The following ADAM12 variants were observed in gnomAD, a reference collection of about 807,000 sequenced individuals.
ADAM12 encodes the protein disintegrin and metalloproteinase domain-containing protein 12.
A neutral mutation model predicts 106.4 loss-of-function variants in ADAM12; 70 were observed. The observed-to-expected ratio is 0.66, with a 90% CI of 0.54 to 0.80. The LOEUF is 0.80. ADAM12 is among the 30% of genes least tolerant of loss of function. ADAM12 has a pLI of 0.00. For missense variants in ADAM12, 1,010 were observed against 1,171.9 expected (o/e 0.86, Z 2.02); for synonymous variants, 420 against 433.5 (o/e 0.97, Z 0.39).
chr10:126,121,811 T>A (rs1464511318), intron 5 of ADAM12, among the ~76,000 whole-genome samples: 2 of 152,112 alleles, frequency 1.3e-5, no homozygotes, highest in African/African-American at 4.8e-5. Context: ...TTTAATAGAT[T>A]GACAGTATCT....
chr10:126,076,767 A>T (rs1955109930), intron 11 of ADAM12, among the ~76,000 whole-genome samples: 1 of 152,162 alleles, frequency 6.6e-6, no homozygotes, highest in African/African-American at 2.4e-5. Context: ...CCTTTGTCAG[A>T]TGCATAGTTT....
At chr10:126,350,817 C>T (rs10901600) in intron 1 of ADAM12, among the ~76,000 whole-genome samples, 40,623 of 152,124 alleles carry the variant, frequency 0.27, 5,540 homozygotes, top group Middle Eastern at 0.34. Context: ...CCAGAATTCA[C>T]GCCTCTGGCA....
In ADAM12 at chr10:126,118,258, T is replaced by A. The variant is rs527377598; in HGVS notation, c.417-34A>T. On this transcript the variant is annotated intron_variant, in intron 5 of 22. Transcript: ENST00000448723. ...AAAGAAACAAGAAAAAATATATAAT[T>A]TTAAGGACAGCTTCTTGTTTATGGC... The A allele has an allele frequency of 6.6e-6, 10 of 1,516,714 alleles. No homozygotes were observed. The African/African-American group carries it at 1.2e-4, about 19-fold the overall frequency. 94.0% of individuals were successfully genotyped at this position (1,516,714 alleles called of 1,614,324 possible). A position where few individuals can be genotyped will look rare whatever the true frequency, so the allele number is the denominator to read the frequency against.
chr10:126,348,373 C>T (rs1468281134), intron 1 of ADAM12, among the ~76,000 whole-genome samples: 3 of 152,020 alleles, frequency 2.0e-5, no homozygotes, highest in African/African-American at 7.3e-5. Context: ...TTTGAATGGG[C>T]AGGATCTGGG....
At chr10:126,134,569 T>C (rs1956369992) in intron 5 of ADAM12, among the ~76,000 whole-genome samples, 1 of 152,192 alleles carries the variant, frequency 6.6e-6, no homozygotes, top group Admixed American at 6.5e-5. Context: ...TACTTAGAGA[T>C]AAATCAGATG....
intron 3 of ADAM12, among the ~76,000 whole-genome samples, chr10:126,183,242 T>C (rs536181808): frequency 2.0e-5 from 3 of 152,362 alleles, no homozygotes; most frequent in East Asian, 3.9e-4. Flanking sequence ...TTTCATTATA[T>C]ATTACAACGT....
At chr10:126,022,688 C>T (rs1953790698) in intron 21 of ADAM12, among the ~76,000 whole-genome samples, 1 of 152,240 alleles carries the variant, frequency 6.6e-6, no homozygotes, top group Admixed American at 6.5e-5. Flanking sequence ...CCAGTGTGAT[C>T]ACCAAGCATC....
At chr10:126,327,909 G>A (rs1854362366) in intron 2 of ADAM12, among the ~76,000 whole-genome samples, 1 of 152,118 alleles carries the variant, frequency 6.6e-6, no homozygotes, top group South Asian at 2.1e-4. Context: ...GGCCCCTGTT[G>A]CTCCCGCATC....
intron 3 of ADAM12, among the ~76,000 whole-genome samples, chr10:126,220,813 A>G (rs1958076591): frequency 6.6e-6 from 1 of 152,222 alleles, no homozygotes; most frequent in Non-Finnish European, 1.5e-5. Flanking sequence ...CCCAGACACA[A>G]ATCTGGCAGC....
chr10:126,228,598 G>A lies in ADAM12; in HGVS notation c.260+50317C>T, dbSNP rs545598777. Among the ~76,000 whole-genome samples the A allele has an allele frequency of 7.9e-5, 12 of 152,292 alleles. No homozygotes were observed. In the South Asian group the frequency reaches 2.5e-3, roughly 32 times the overall value. ...CAGATAATTAGAAATCATGTTTCTAGTAGGGTATTTTTACACTCTGGAAAT... is the reference window on the plus strand; with the variant it reads ...CAGATAATTAGAAATCATGTTTCTAATAGGGTATTTTTACACTCTGGAAAT... On this transcript the variant is annotated intron_variant, in intron 3 of 22. Coordinates refer to ENST00000448723, the MANE Select transcript of ADAM12 (RefSeq NM_001288973.2).
chr10:126,310,501 C>A (rs1017999692), intron 2 of ADAM12, among the ~76,000 whole-genome samples: 1 of 152,100 alleles, frequency 6.6e-6, no homozygotes, highest in African/African-American at 2.4e-5. Context: ...ATGTTCCAAG[C>A]AAGTGGTAGG....
intron 3 of ADAM12, among the ~76,000 whole-genome samples, chr10:126,174,695 ATT>A (rs1452494818): frequency 6.6e-6 from 1 of 151,570 alleles, no homozygotes; most frequent in Non-Finnish European, 1.5e-5. Flanking sequence ...GGAATGAGAC[ATT>A]TCCACTGCTT....
At chr10:126,381,532 G>A (rs539341423) in intron 1 of ADAM12, among the ~76,000 whole-genome samples, 109 of 152,188 alleles carry the variant, frequency 7.2e-4, no homozygotes, top group Non-Finnish European at 7.9e-4. Context: ...CTCTCACTCT[G>A]TCACCCAGGC....
intron 1 of ADAM12, among the ~76,000 whole-genome samples, chr10:126,374,503 A>T (rs1187947038): frequency 6.6e-6 from 1 of 152,244 alleles, no homozygotes; most frequent in African/African-American, 2.4e-5. Context: ...TTTTAAGAAG[A>T]TCAGGCAAGT....
At chr10:126,314,171 G>A (rs932921708) in intron 2 of ADAM12, among the ~76,000 whole-genome samples, 6 of 152,156 alleles carry the variant, frequency 3.9e-5, no homozygotes, top group East Asian at 3.9e-4. Context: ...CAGGAGTAGC[G>A]TGGTCTGAGG....
In ADAM12 at chr10:126,118,127, C is replaced by T. The variant is rs753905276; in HGVS notation, c.514G>A (p.Val172Ile). Residue 172 changes from valine to isoleucine, a missense_variant, in exon 6 of 23, where the codon GTC (valine) becomes ATC (isoleucine). This residue lies in a region of ADAM12 where 391 missense variants were observed against 442.9 expected (regional missense o/e 0.88). Coordinates refer to ENST00000448723, the MANE Select transcript of ADAM12 (RefSeq NM_001288973.2). Reference protein sequence around the residue: ...KLFPAKKLKSVRGSCGSHHNT... With the variant: ...KLFPAKKLKSIRGSCGSHHNT... Reference sequence around the variant, plus strand: ...TGATGTGATCCACATGATCCCCGGACGCTTTTCAGCTTCTTCGCTGGGAAG... The same window carrying T: ...TGATGTGATCCACATGATCCCCGGATGCTTTTCAGCTTCTTCGCTGGGAAG... 39 of 1,614,072 alleles carry T rather than the reference C, an allele frequency of 2.4e-5. No homozygotes were observed. The highest frequency in any genetic ancestry group is 1.3e-4 in the African/African-American group (10 of 74,944).
Position 126,066,218 on chromosome 10 carries a change from C to T in ADAM12, c.1413+499G>A, listed in dbSNP as rs1954864561. On this transcript the variant is annotated intron_variant, in intron 13 of 22. Coordinates refer to ENST00000448723, the MANE Select transcript of ADAM12 (RefSeq NM_001288973.2). The surrounding 1 kb of genome is among the most constrained non-coding windows in gnomAD (Gnocchi z 5.1). ...CAGCAGCAATGGCGAGAGTATAAAA[C>T]TGCCATTCTTGGCTGGGCGGGGTTG... is the stretch of plus-strand genomic sequence containing the variant. Among the ~76,000 whole-genome samples the T allele has an allele frequency of 6.6e-6, 1 of 152,202 alleles. No homozygotes were observed. The highest frequency in any genetic ancestry group is 2.4e-5 in the African/African-American group (1 of 41,450).
rs544243558 is a variant in ADAM12 at position 126,043,971 on chromosome 10, C to T, written c.1996-823G>A. On this transcript the variant is annotated intron_variant, in intron 17 of 22. Coordinates refer to ENST00000448723, the MANE Select transcript of ADAM12 (RefSeq NM_001288973.2). This position sits in a 1 kb window ranked among gnomAD's most constrained non-coding sequence, Gnocchi z 4.1. Reference sequence around the variant, plus strand: ...AGACCAGAGCATTCCATGCAGGGGCCAGCAGCCCCTGCCCACCTGGTTACC... The same window carrying T: ...AGACCAGAGCATTCCATGCAGGGGCTAGCAGCCCCTGCCCACCTGGTTACC... Among the ~76,000 whole-genome samples, 2 of 152,300 alleles carry T rather than the reference C, an allele frequency of 1.3e-5. No homozygotes were observed. The highest frequency in any genetic ancestry group is 1.9e-4 in the East Asian group (1 of 5,170).
intron 2 of ADAM12, among the ~76,000 whole-genome samples, chr10:126,299,250 T>G (rs1960508330): frequency 6.6e-6 from 1 of 152,228 alleles, no homozygotes; most frequent in Non-Finnish European, 1.5e-5. Context: ...GGAAGAAGAT[T>G]CCATGACCCC....
Sources: allele counts gnomAD v4.1 joint callset (sites outside exome capture counted in the v4.1 genomes callset), GRCh38; gene constraint gnomAD v4.1.1; regional missense constraint gnomAD v4.1.1; non-coding constraint Gnocchi (gnomAD v3.1); transcripts MANE v1.5; gene names NCBI Gene and HGNC (gene_info 2026-07-23, HGNC 2026-07-21).